The following FHIT variants were observed in gnomAD, a reference collection of about 807,000 sequenced individuals.
FHIT encodes fragile histidine triad diadenosine triphosphatase, also known as bis(5'-adenosyl)-triphosphatase.
FHIT carries 19 observed loss-of-function variants against 17.9 expected under a neutral mutation model. That is an observed-to-expected ratio of 1.06 (90% CI 0.74 to 1.56). FHIT has a LOEUF of 1.56. FHIT is among the 40% of genes most tolerant of loss of function. The pLI is 0.00. For synonymous variants in FHIT, 81 were observed against 69.7 expected, an observed-to-expected ratio of 1.16 and a Z score of -0.81; for missense variants, 248 against 189.2, an observed-to-expected ratio of 1.31 and a Z score of -1.82.
chr3:59,943,452 C>G (rs995770180), intron 7 of FHIT, among the ~76,000 whole-genome samples: 1 of 152,146 alleles, frequency 6.6e-6, no homozygotes, highest in Non-Finnish European at 1.5e-5. Context: ...AAATGCCTCC[C>G]TTCTCCCAGC....
intron 5 of FHIT, among the ~76,000 whole-genome samples, chr3:60,489,023 A>ATG (rs1339667540): frequency 6.6e-6 from 1 of 152,176 alleles, no homozygotes; most frequent in African/African-American, 2.4e-5. Context: ...ATTGAACCAG[A>ATG]TGATGTCCAA....
intron 7 of FHIT, among the ~76,000 whole-genome samples, chr3:59,966,909 C>G (rs1180464789): frequency 6.6e-6 from 1 of 152,144 alleles, no homozygotes; most frequent in African/African-American, 2.4e-5. Context: ...ACTTTATCAA[C>G]TTTAATTTTC....
chr3:60,067,286 A>T (rs1331966546), intron 5 of FHIT, among the ~76,000 whole-genome samples: 1 of 152,160 alleles, frequency 6.6e-6, no homozygotes, highest in Non-Finnish European at 1.5e-5. Context: ...ACCTAGCACT[A>T]TGCCAGCCAT....
chr3:60,342,782 A>T (rs1422680121), intron 5 of FHIT, among the ~76,000 whole-genome samples: 2 of 152,198 alleles, frequency 1.3e-5, no homozygotes, highest in South Asian at 2.1e-4. Context: ...ATAAAGAGTG[A>T]TTACAAATGC....
intron 7 of FHIT, among the ~76,000 whole-genome samples, chr3:59,970,428 T>C (rs1000669649): frequency 3.3e-5 from 5 of 152,094 alleles, no homozygotes; most frequent in Admixed American, 2.6e-4. Context: ...TTGCTTACTA[T>C]TGTCAGTAAG....
At chr3:60,850,491 C>A (rs139703878) in intron 3 of FHIT, among the ~76,000 whole-genome samples, 2 of 152,076 alleles carry the variant, frequency 1.3e-5, no homozygotes, top group Non-Finnish European at 2.9e-5. Context: ...TTACATTAAT[C>A]TTTTATTTTG....
At chr3:60,144,104 G>C (rs1700140318) in intron 5 of FHIT, among the ~76,000 whole-genome samples, 1 of 152,106 alleles carries the variant, frequency 6.6e-6, no homozygotes, top group Admixed American at 6.6e-5. Context: ...AAGATATCAG[G>C]GCAGATGTCC....
chr3:60,012,263 G>GTTTTTTTTT (rs1416490274), intron 6 of FHIT, among the ~76,000 whole-genome samples: 5 of 118,956 alleles, frequency 4.2e-5, no homozygotes, highest in African/African-American at 1.1e-4. Context: ...TGTTTTTTTT[G>GTTTTTTTTT]TTGTTTTTTT....
chr3:60,704,212 C>G (rs1264539903), intron 4 of FHIT, among the ~76,000 whole-genome samples: 1 of 152,108 alleles, frequency 6.6e-6, no homozygotes, highest in Non-Finnish European at 1.5e-5. Context: ...TTTGAATCAT[C>G]AGGACTGTGT....
At chr3:60,518,916 T>C (rs971641604) in intron 5 of FHIT, among the ~76,000 whole-genome samples, 9 of 152,120 alleles carry the variant, frequency 5.9e-5, no homozygotes, top group African/African-American at 7.2e-5. Context: ...GGCAGGAGAA[T>C]TGCTTGAACC....
At chr3:61,160,881 C>T (rs991632827) in intron 2 of FHIT, among the ~76,000 whole-genome samples, 4 of 152,142 alleles carry the variant, frequency 2.6e-5, no homozygotes, top group Admixed American at 2.6e-4. Flanking sequence ...TTGGTAATCA[C>T]GCACTTTGCT....
chr3:60,927,248 G>A (rs7649524), intron 3 of FHIT, among the ~76,000 whole-genome samples: 91,426 of 151,984 alleles, frequency 0.6, 27,817 homozygotes, highest in East Asian at 0.71. Flanking sequence ...TGATCTGCCC[G>A]CCTCGGCCTC....
Position 60,951,463 on chromosome 3 carries a change from A to G in FHIT, c.-111+90584T>C, listed in dbSNP as rs573026508. Among the ~76,000 whole-genome samples, 6 of 152,300 alleles carry G rather than the reference A, an allele frequency of 3.9e-5. No homozygotes were observed. In the South Asian group the frequency reaches 1.0e-3, roughly 26 times the overall value. On this transcript the variant is annotated intron_variant, in intron 3 of 9. Transcript: ENST00000492590. Reference sequence around the variant, plus strand: ...CAAACAATAAGGCAGCCCATGACCAAAAGGAACCGTAACAAGCAAACGAAG... The same window carrying G: ...CAAACAATAAGGCAGCCCATGACCAGAAGGAACCGTAACAAGCAAACGAAG...
intron 4 of FHIT, among the ~76,000 whole-genome samples, chr3:60,615,655 GTA>G (rs2038928946): frequency 3.9e-5 from 6 of 152,136 alleles, no homozygotes; most frequent in Non-Finnish European, 5.9e-5. Flanking sequence ...CCTACTATGT[GTA>G]CAACCCTCTG....
chr3:60,026,439 A>G (rs1455086261), intron 5 of FHIT, among the ~76,000 whole-genome samples: 1 of 152,184 alleles, frequency 6.6e-6, no homozygotes, highest in Non-Finnish European at 1.5e-5. Flanking sequence ...TTTGGAACCC[A>G]GATCTTCATT....
intron 5 of FHIT, among the ~76,000 whole-genome samples, chr3:60,291,025 C>A (rs1057057500): frequency 2.0e-5 from 3 of 152,116 alleles, no homozygotes; most frequent in African/African-American, 7.2e-5. Flanking sequence ...AATTAAAAAT[C>A]TCCAGATGAG....
intron 7 of FHIT, among the ~76,000 whole-genome samples, chr3:59,979,439 G>A (rs1162627399): frequency 1.3e-5 from 2 of 152,148 alleles, no homozygotes; most frequent in Non-Finnish European, 2.9e-5. Flanking sequence ...TGTCTAGAGT[G>A]GAGACCTTAT....
At chr3:59,790,489 CTTCTCTCTCTCTCTCT>C (rs1210106068) in intron 8 of FHIT, among the ~76,000 whole-genome samples, 5 of 148,550 alleles carry the variant, frequency 3.4e-5, no homozygotes, top group African/African-American at 1.3e-4. Flanking sequence ...GTGTTCATTG[CTTCTCTCTCTCTCTCT>C]TTCTCTCTCT....
chr3:60,166,734 T>C (rs1251482124), intron 5 of FHIT, among the ~76,000 whole-genome samples: 2 of 152,194 alleles, frequency 1.3e-5, no homozygotes, highest in African/African-American at 4.8e-5. Flanking sequence ...CCTGGGTTTC[T>C]CTTCTAAAAG....
Sources: gnomAD v4.1 joint callset for allele counts (sites outside exome capture counted in the v4.1 genomes callset) on GRCh38, gnomAD v4.1.1 for gene constraint, MANE v1.5 for transcripts, NCBI Gene and HGNC (gene_info 2026-07-23, HGNC 2026-07-21) for gene names.